Variants in SHISA9 observed in about 807,000 individuals in gnomAD.
SHISA9 encodes protein shisa-9.
SHISA9 carries 13 observed loss-of-function variants against 38.0 expected under a neutral mutation model. That is an observed-to-expected ratio of 0.34 (90% CI 0.22 to 0.54). SHISA9 has a LOEUF of 0.54. Ranked by LOEUF, SHISA9 falls within the 20% of genes least tolerant of loss-of-function variation. The pLI is 0.91. For synonymous variants in SHISA9, 275 were observed against 242.0 expected (o/e 1.14, Z -1.27); for missense variants, 538 against 575.8 (o/e 0.93, Z 0.67).
chr16:13,166,288 G>A (rs533432058), intron 2 of SHISA9, among the ~76,000 whole-genome samples: 5 of 152,224 alleles, frequency 3.3e-5, no homozygotes, highest in Admixed American at 1.3e-4. Flanking sequence ...GGCTTCCATC[G>A]TTCCTTCTAC....
the SHISA9 span, among the ~76,000 whole-genome samples, chr16:13,456,276 T>C: frequency 6.6e-6 from 1 of 152,194 alleles, no homozygotes; most frequent in African/African-American, 2.4e-5. Flanking sequence ...CACTTCAACC[T>C]GTTTCCCACT....
intron 2 of SHISA9, among the ~76,000 whole-genome samples, chr16:12,987,933 A>G (rs181333064): frequency 4.8e-4 from 73 of 152,280 alleles, no homozygotes; most frequent in Middle Eastern, 3.4e-3. Context: ...GTATGTAAAG[A>G]AGCCATAATT....
the SHISA9 span, among the ~76,000 whole-genome samples, chr16:13,377,453 A>G: frequency 6.6e-6 from 1 of 152,220 alleles, no homozygotes; most frequent in Non-Finnish European, 1.5e-5. Context: ...GAGAGCAAAG[A>G]GGATTGTCCC....
At chr16:13,168,279 C>T (rs768824959) in intron 2 of SHISA9, among the ~76,000 whole-genome samples, 7 of 152,208 alleles carry the variant, frequency 4.6e-5, no homozygotes, top group Non-Finnish European at 7.3e-5. Flanking sequence ...GGCTATGTAG[C>T]AGCGATGAAT....
At chr16:12,912,538 G>A (rs919662998) in intron 1 of SHISA9, among the ~76,000 whole-genome samples, 1 of 152,150 alleles carries the variant, frequency 6.6e-6, no homozygotes, top group Non-Finnish European at 1.5e-5. Flanking sequence ...TGCAGTTTCA[G>A]AGGATTCAGC....
intron 2 of SHISA9, among the ~76,000 whole-genome samples, chr16:12,989,758 A>C (rs1214418267): frequency 2.0e-5 from 3 of 152,096 alleles, no homozygotes; most frequent in East Asian, 3.9e-4. Context: ...TGAACACACC[A>C]TGAATTGTTA....
intron 2 of SHISA9, among the ~76,000 whole-genome samples, chr16:13,016,132 C>A (rs1375522417): frequency 6.6e-6 from 1 of 150,700 alleles, no homozygotes; most frequent in Non-Finnish European, 1.5e-5. Context: ...GAATTACAGG[C>A]CTGTGTCTGC....
At chr16:13,047,781 C>T (rs2073204397) in intron 2 of SHISA9, among the ~76,000 whole-genome samples, 1 of 152,116 alleles carries the variant, frequency 6.6e-6, no homozygotes, top group Non-Finnish European at 1.5e-5. Flanking sequence ...GCTATGAATA[C>T]TATTTAATAG....
intron 2 of SHISA9, among the ~76,000 whole-genome samples, chr16:13,039,137 G>A (rs1355224527): frequency 1.3e-5 from 2 of 152,154 alleles, no homozygotes; most frequent in Non-Finnish European, 2.9e-5. Context: ...TCGAACTCCT[G>A]ACCTCAGGTG....
chr16:13,376,461 C>A, the SHISA9 span, among the ~76,000 whole-genome samples: 2 of 152,182 alleles, frequency 1.3e-5, no homozygotes, highest in African/African-American at 2.4e-5. Context: ...CATGTCAGCC[C>A]ACTCACCTCT....
intron 2 of SHISA9, among the ~76,000 whole-genome samples, chr16:13,089,676 T>C (rs1451522761): frequency 8.5e-5 from 13 of 152,202 alleles, no homozygotes; most frequent in Admixed American, 8.5e-4. Flanking sequence ...ATTGCATCTA[T>C]TTTATTTTTC....
the SHISA9 span, among the ~76,000 whole-genome samples, chr16:13,456,933 T>A: frequency 1.1e-4 from 16 of 152,270 alleles, no homozygotes; most frequent in Non-Finnish European, 2.4e-4. Flanking sequence ...GTTTGGAACT[T>A]TTCCGGGACT....
the SHISA9 span, among the ~76,000 whole-genome samples, chr16:13,359,659 A>G: frequency 9.9e-3 from 1,505 of 152,288 alleles, 29 homozygotes; most frequent in African/African-American, 0.034. Context: ...TCATATGTCA[A>G]ATACCACTAG....
At chr16:13,208,233 A>C (rs951010552) in intron 3 of SHISA9, among the ~76,000 whole-genome samples, 1 of 152,138 alleles carries the variant, frequency 6.6e-6, no homozygotes, top group African/African-American at 2.4e-5. Flanking sequence ...TCTAGTTATT[A>C]GAATGCCTTA....
the SHISA9 span, among the ~76,000 whole-genome samples, chr16:13,392,149 A>T: frequency 1.3e-5 from 2 of 152,094 alleles, no homozygotes; most frequent in Non-Finnish European, 2.9e-5. Context: ...CATCCTAAAT[A>T]CACCTGTTAT....
intron 2 of SHISA9, among the ~76,000 whole-genome samples, chr16:13,091,839 C>T (rs568608226): frequency 7.9e-5 from 12 of 152,270 alleles, no homozygotes; most frequent in Middle Eastern, 6.8e-3. Flanking sequence ...AGCTTTGTTC[C>T]GTTGCTCGCT....
the SHISA9 span, among the ~76,000 whole-genome samples, chr16:13,264,099 G>A: frequency 6.6e-6 from 1 of 151,914 alleles, no homozygotes; most frequent in Non-Finnish European, 1.5e-5. Context: ...TGCTTTATGG[G>A]TGGCTGTCAT....
intron 2 of SHISA9, among the ~76,000 whole-genome samples, chr16:13,003,610 C>G (rs946674272): frequency 3.9e-5 from 6 of 152,130 alleles, no homozygotes; most frequent in African/African-American, 7.2e-5. Context: ...GTAATCCCAG[C>G]ATTTTGGGAG....
At chr16:13,493,874 G>T in the SHISA9 span, among the ~76,000 whole-genome samples, 2 of 152,212 alleles carry the variant, frequency 1.3e-5, no homozygotes, top group South Asian at 2.1e-4. Flanking sequence ...ATTACACCAG[G>T]AATATAATTG....
Sources: gnomAD v4.1 joint callset for allele counts (sites outside exome capture counted in the v4.1 genomes callset) on GRCh38, gnomAD v4.1.1 for gene constraint, MANE v1.5 for transcripts, NCBI Gene and HGNC (gene_info 2026-07-23, HGNC 2026-07-21) for gene names.